The following LPP variants were observed in gnomAD, a reference collection of about 807,000 sequenced individuals.
The protein encoded by LPP is lipoma-preferred partner.
LPP carries 38 observed loss-of-function variants against 60.4 expected under a neutral mutation model. The observed-to-expected ratio is 0.63, with a 90% CI of 0.49 to 0.83. The LOEUF is 0.83. Ranked by LOEUF, LPP falls within the 40% of genes least tolerant of loss-of-function variation. LPP has a pLI of 0.00. For synonymous variants in LPP, 328 were observed against 290.8 expected, an observed-to-expected ratio of 1.13 and a Z score of -1.30; for missense variants, 902 against 783.6, an observed-to-expected ratio of 1.15 and a Z score of -1.80.
At position 188,879,152 on chromosome 3, in the gene LPP, A is replaced by C. The variant is rs1303069390; in HGVS notation, c.*4673A>C. 8 of 230,380 alleles carry C rather than the reference A, an allele frequency of 3.5e-5. No homozygotes were observed. The East Asian group carries it at 5.0e-4, about 14-fold the overall frequency. The allele number at this position is 230,380 out of a possible 1,614,324, so 14.3% of individuals were successfully genotyped here. On this transcript the variant is annotated 3_prime_UTR_variant, in exon 12 of 12. Coordinates refer to ENST00000617246, the MANE Select transcript of LPP (RefSeq NM_001375462.1). Reference sequence around the variant, plus strand: ...AGATAACTAGAATGAAACTTTTCTCATGAGGCTGTTGTTTGGTTAGCATAG... The same window carrying C: ...AGATAACTAGAATGAAACTTTTCTCCTGAGGCTGTTGTTTGGTTAGCATAG...
intron 1 of LPP, among the ~76,000 whole-genome samples, chr3:188,199,592 A>C (rs1035964329): frequency 6.6e-6 from 1 of 152,222 alleles, no homozygotes; most frequent in African/African-American, 2.4e-5. Flanking sequence ...TAGTTACGCT[A>C]TAACCATGCT....
rs1770418760 is a variant in LPP at position 188,884,370 on chromosome 3, C to A, written c.*9891C>A. 4.3e-6 allele frequency: 1 copy of A among 230,516 alleles called. No individual in the cohort carries two copies. The highest frequency in any genetic ancestry group is 6.2e-5 in the East Asian group (1 of 16,206). 14.3% of individuals were successfully genotyped at this position (230,516 alleles called of 1,614,324 possible). A position where few individuals can be genotyped will look rare whatever the true frequency, so the allele number is the denominator to read the frequency against. ...ACAGACTACCAAGCCCCCAGTCATC[C>A]AGGGAAATTCAGAGACCAATTGACT... is the stretch of plus-strand genomic sequence containing the variant. On this transcript the variant is annotated 3_prime_UTR_variant, in exon 12 of 12. Coordinates refer to ENST00000617246, the MANE Select transcript of LPP (RefSeq NM_001375462.1).
intron 7 of LPP, among the ~76,000 whole-genome samples, chr3:188,695,531 T>C (rs527915953): frequency 2.6e-5 from 4 of 152,356 alleles, no homozygotes; most frequent in Admixed American, 2.0e-4. Flanking sequence ...TATTAGCACA[T>C]GCCATGTGTC....
intron 2 of LPP, among the ~76,000 whole-genome samples, chr3:188,253,468 G>A (rs1412496050): frequency 6.6e-6 from 1 of 152,116 alleles, no homozygotes; most frequent in African/African-American, 2.4e-5. Flanking sequence ...GTTATCTGCT[G>A]TCTCAACACC....
In LPP at chr3:188,882,957, T is replaced by C. The variant is rs139006345; in HGVS notation, c.*8478T>C. On this transcript the variant is annotated 3_prime_UTR_variant, in exon 12 of 12. Coordinates refer to ENST00000617246, the MANE Select transcript of LPP (RefSeq NM_001375462.1). ...GGGTTTCACCGTGGTCTCGATCTCC[T>C]GACCTCGTGATCCGCCCGCCTCGGC... The C allele has an allele frequency of 4.7e-3, 870 of 186,064 alleles. 7 individuals are homozygous for C. The highest frequency in any genetic ancestry group is 0.015 in the African/African-American group (661 of 42,738). The allele number at this position is 186,064 out of a possible 1,614,324, so 11.5% of individuals were successfully genotyped here.
At chr3:188,714,884 C>T (rs1465039693) in intron 8 of LPP, among the ~76,000 whole-genome samples, 1 of 152,048 alleles carries the variant, frequency 6.6e-6, no homozygotes, top group Non-Finnish European at 1.5e-5. Flanking sequence ...TAAACACTAC[C>T]CTGTAGAGGA....
intron 9 of LPP, among the ~76,000 whole-genome samples, chr3:188,829,784 T>G (rs140987062): frequency 6.6e-6 from 1 of 152,328 alleles, no homozygotes; most frequent in Non-Finnish European, 1.5e-5. Context: ...ACTCACCATG[T>G]GACCCTGAAT....
intron 1 of LPP, among the ~76,000 whole-genome samples, chr3:188,161,617 C>T (rs1033336868): frequency 6.6e-6 from 1 of 152,154 alleles, no homozygotes; most frequent in African/African-American, 2.4e-5. Flanking sequence ...CTCAATCACA[C>T]CCTTGTCAGC....
intron 2 of LPP, among the ~76,000 whole-genome samples, chr3:188,297,417 G>T (rs750635492): frequency 6.6e-6 from 1 of 152,146 alleles, no homozygotes; most frequent in Non-Finnish European, 1.5e-5. Context: ...TACAATAGAT[G>T]GGAGGCTCTA....
intron 8 of LPP, among the ~76,000 whole-genome samples, chr3:188,748,707 C>T (rs149326206): frequency 5.3e-5 from 8 of 152,176 alleles, no homozygotes; most frequent in South Asian, 2.1e-4. Context: ...CACTTGAACC[C>T]GGGAGGCAGA....
chr3:188,874,543 G>C lies in LPP; in HGVS notation c.*64G>C, dbSNP rs776734796. ...CACAAGAAAAAGATAAGAAATACTA[G>C]AGTAAAGGCCATCAAACTACGCGAT... On this transcript the variant is annotated 3_prime_UTR_variant, in exon 12 of 12. Coordinates refer to ENST00000617246, the MANE Select transcript of LPP (RefSeq NM_001375462.1). 1.7e-5 allele frequency: 27 copies of C among 1,564,254 alleles called. No homozygotes were observed. The highest frequency in any genetic ancestry group is 2.4e-5 in the Non-Finnish European group (27 of 1,144,418).
intron 7 of LPP, among the ~76,000 whole-genome samples, chr3:188,674,288 C>T (rs1475617079): frequency 1.3e-5 from 2 of 152,192 alleles, no homozygotes; most frequent in African/African-American, 4.8e-5. Flanking sequence ...CCTTCTCCTG[C>T]TCTTCAACTC....
chr3:188,771,314 C>T lies in LPP; in HGVS notation c.1410+11032C>T, dbSNP rs1377102395. ...CTGTAATCCCAGCACGTTGGGAGGC[C>T]GAGGTGCACAGATCACTTGAGGTCA... On this transcript the variant is annotated intron_variant, in intron 9 of 11. Transcript: ENST00000617246. Among the ~76,000 whole-genome samples, 3 of 151,804 alleles carry T rather than the reference C, an allele frequency of 2.0e-5. No individual in the cohort carries two copies. In the East Asian group the frequency reaches 5.8e-4, roughly 29 times the overall value.
intron 6 of LPP, among the ~76,000 whole-genome samples, chr3:188,556,199 C>T (rs147875774): frequency 1.3e-5 from 2 of 152,174 alleles, no homozygotes; most frequent in African/African-American, 4.8e-5. Flanking sequence ...TACTTTTTGT[C>T]AAAGTCGAGG....
intron 5 of LPP, among the ~76,000 whole-genome samples, chr3:188,486,595 G>T (rs775565251): frequency 2.0e-5 from 3 of 152,098 alleles, no homozygotes; most frequent in Non-Finnish European, 4.4e-5. Context: ...TCATATAGTA[G>T]ATATTAAGAA....
chr3:188,762,505 A>G (rs1732709488), intron 9 of LPP, among the ~76,000 whole-genome samples: 1 of 151,940 alleles, frequency 6.6e-6, no homozygotes, highest in African/African-American at 2.4e-5. Context: ...GCATTTTTAC[A>G]TGTTTGCTTG....
intron 2 of LPP, among the ~76,000 whole-genome samples, chr3:188,260,135 G>A (rs1209856340): frequency 6.6e-6 from 1 of 151,992 alleles, no homozygotes; most frequent in African/African-American, 2.4e-5. Flanking sequence ...TGCCTCCCAG[G>A]TTCAAGCGAT....
intron 8 of LPP, among the ~76,000 whole-genome samples, chr3:188,734,942 A>G (rs1370392610): frequency 2.0e-5 from 3 of 152,116 alleles, no homozygotes; most frequent in Non-Finnish European, 2.9e-5. Context: ...CCAGAATGCC[A>G]TAATCTACAC....
chr3:188,318,837 C>T (rs1264011004), intron 2 of LPP, among the ~76,000 whole-genome samples: 1 of 143,310 alleles, frequency 7.0e-6, no homozygotes, highest in Non-Finnish European at 1.5e-5. Flanking sequence ...CGGCTCACTG[C>T]AAGCTCCGCC....
Sources: gnomAD v4.1 joint callset for allele counts (sites outside exome capture counted in the v4.1 genomes callset) on GRCh38, gnomAD v4.1.1 for gene constraint, MANE v1.5 for transcripts, NCBI Gene and HGNC (gene_info 2026-07-23, HGNC 2026-07-21) for gene names.